LRP1B: variants seen among roughly 807,000 people sequenced by gnomAD.
LRP1B encodes the protein LDL receptor related protein 1B.
A neutral mutation model predicts 556.6 loss-of-function variants in LRP1B; 217 were observed. The observed-to-expected ratio is 0.39, with a 90% CI of 0.35 to 0.44. LRP1B has a LOEUF of 0.44. LRP1B is among the 20% of genes least tolerant of loss of function. The pLI, the probability that LRP1B is intolerant of heterozygous loss-of-function variation, is 1.00. For synonymous variants in LRP1B, 2,047 were observed against 1,865.8 expected (o/e 1.10, Z -2.50); for missense variants, 5,053 against 5,620.8 (o/e 0.90, Z 3.23).
chr2:141,659,466 A>C (rs1690131321), intron 2 of LRP1B, among the ~76,000 whole-genome samples: 1 of 152,164 alleles, frequency 6.6e-6, no homozygotes, highest in African/African-American at 2.4e-5. Flanking sequence ...AACATTTTGC[A>C]GTTAGACTCA....
rs62173714 is a variant in LRP1B at position 141,113,152 on chromosome 2, A to G, written c.1014-50879T>C. On this transcript the variant is annotated intron_variant, in intron 7 of 90. Coordinates refer to ENST00000389484, the MANE Select transcript of LRP1B (RefSeq NM_018557.3). Reference sequence around the variant, plus strand: ...ACTAACTTTTAATTTTCTCCATTTCACATTTAAGTGAAGGCAGAACACTGG... The same window carrying G: ...ACTAACTTTTAATTTTCTCCATTTCGCATTTAAGTGAAGGCAGAACACTGG... Among the ~76,000 whole-genome samples the G allele has an allele frequency of 5.0e-3, 762 of 152,290 alleles. 6 individuals are homozygous for G. The highest frequency in any genetic ancestry group is 0.011 in the South Asian group (54 of 4,830).
At chr2:141,863,703 G>C (rs1698321585) in intron 1 of LRP1B, among the ~76,000 whole-genome samples, 1 of 152,124 alleles carries the variant, frequency 6.6e-6, no homozygotes, top group African/African-American at 2.4e-5. Context: ...CCAAGTCTTA[G>C]AAAAGTATCC....
chr2:140,729,968 C>T (rs556417128), intron 35 of LRP1B, among the ~76,000 whole-genome samples: 1 of 152,294 alleles, frequency 6.6e-6, no homozygotes, highest in African/African-American at 2.4e-5. Context: ...CTTGTGCTTG[C>T]TCTCAACTGA....
chr2:141,399,580 T>A (rs1292794786), intron 3 of LRP1B, among the ~76,000 whole-genome samples: 2 of 152,150 alleles, frequency 1.3e-5, no homozygotes, highest in East Asian at 3.9e-4. Flanking sequence ...AGAACTAATA[T>A]AACTATAACC....
intron 3 of LRP1B, among the ~76,000 whole-genome samples, chr2:141,391,444 C>T (rs896013066): frequency 6.6e-6 from 1 of 152,042 alleles, no homozygotes; most frequent in Non-Finnish European, 1.5e-5. Context: ...ACACACAGTG[C>T]AGGCTTACAG....
chr2:141,658,059 A>G (rs1463119964), intron 2 of LRP1B, among the ~76,000 whole-genome samples: 1 of 152,136 alleles, frequency 6.6e-6, no homozygotes, highest in African/African-American at 2.4e-5. Flanking sequence ...GTGTGATTCT[A>G]TTTTTACATC....
intron 79 of LRP1B, among the ~76,000 whole-genome samples, chr2:140,333,292 T>A (rs895962851): frequency 6.6e-6 from 1 of 152,094 alleles, no homozygotes; most frequent in African/African-American, 2.4e-5. Flanking sequence ...GCCCATCTCT[T>A]ACTTTGCTTT....
chr2:140,584,642 ATTC>A (rs1327182209), intron 43 of LRP1B, among the ~76,000 whole-genome samples: 1 of 152,156 alleles, frequency 6.6e-6, no homozygotes, highest in Non-Finnish European at 1.5e-5. Context: ...ACTGACCATT[ATTC>A]TTCTGTAAGA....
rs200954675 is a variant in LRP1B at position 141,055,203 on chromosome 2, T to C, written c.1465A>G (p.Ile489Val). The change falls in exon 10 of 91, where the codon ATC becomes GTC. Residue 489 changes from isoleucine (I) to valine (V), a missense_variant. Physicochemically the swap from Ile to Val is conservative, Grantham distance 29. Coordinates refer to ENST00000389484, the MANE Select transcript of LRP1B (RefSeq NM_018557.3). The part of the protein sequence containing the change: ...PYGMPGGCSH[I>V]CLLSSSYKTR... ...TTGTAACTGCTGCTGAGTAGACAGA[T>C]GTGTGAACAGCCCCCTGGCATTCCA... is the stretch of plus-strand genomic sequence containing the variant. 10 of 1,612,318 alleles carry C rather than the reference T, an allele frequency of 6.2e-6. No homozygotes were observed. Among genetic ancestry groups the C allele is most frequent in the Middle Eastern group, 1.7e-4 (1 of 6,048 alleles).
intron 2 of LRP1B, among the ~76,000 whole-genome samples, chr2:141,746,013 T>A (rs1371351621): frequency 6.6e-6 from 1 of 152,008 alleles, no homozygotes; most frequent in Non-Finnish European, 1.5e-5. Context: ...CAAAGAGGAC[T>A]TCAATGCAAG....
intron 35 of LRP1B, among the ~76,000 whole-genome samples, chr2:140,732,425 A>G (rs1177849267): frequency 6.6e-6 from 1 of 152,090 alleles, no homozygotes; most frequent in Admixed American, 6.6e-5. Context: ...GAACTGCATG[A>G]TGTTTCACTT....
At chr2:141,673,818 C>T (rs1462991147) in intron 2 of LRP1B, among the ~76,000 whole-genome samples, 1 of 151,770 alleles carries the variant, frequency 6.6e-6, no homozygotes, top group Non-Finnish European at 1.5e-5. Context: ...CTAAATTGTC[C>T]ACTGCAATGA....
intron 3 of LRP1B, among the ~76,000 whole-genome samples, chr2:141,276,438 C>A (rs148007629): frequency 4.4e-4 from 67 of 151,916 alleles, no homozygotes; most frequent in Non-Finnish European, 6.9e-4. Flanking sequence ...TCCATCTTGA[C>A]TCTCCTCCCA....
chr2:141,877,885 A>T (rs1698822285), intron 1 of LRP1B, among the ~76,000 whole-genome samples: 1 of 152,034 alleles, frequency 6.6e-6, no homozygotes, highest in African/African-American at 2.4e-5. Flanking sequence ...CCACTAAAAT[A>T]GATGTTTAAA....
rs2105373671 is a variant in LRP1B, at chr2:141,005,365, G to A, written c.2473C>T (p.Leu825Phe). 6.2e-7 allele frequency: 1 copy of A among 1,610,058 alleles called. No homozygotes were observed. The highest frequency in any genetic ancestry group is 8.5e-7 in the Non-Finnish European group (1 of 1,177,446). The change falls in exon 15 of 91, where the codon CTT (leucine) becomes TTT (phenylalanine). Residue 825 changes from leucine (L) to phenylalanine (F), a missense_variant. Leu to Phe is a conservative substitution (Grantham distance 22). Transcript: ENST00000389484. ...GRVCACADNQ[L>F]LDENGTTCTF... ...CAAGTTGTCCCATTTTCATCCAAAA[G>A]TTGATTATCGGCACAAGCACACACC...
chr2:140,956,180 C>T (rs1421827464), intron 18 of LRP1B, among the ~76,000 whole-genome samples: 1 of 151,716 alleles, frequency 6.6e-6, no homozygotes, highest in African/African-American at 2.4e-5. Context: ...TACACTGATA[C>T]TCTTGACAAT....
intron 1 of LRP1B, among the ~76,000 whole-genome samples, chr2:141,939,480 T>G (rs969219629): frequency 4.6e-5 from 7 of 152,114 alleles, no homozygotes; most frequent in Non-Finnish European, 1.0e-4. Flanking sequence ...AGAGCTGGCC[T>G]GCTCTGGCTT....
chr2:140,829,288 C>G (rs1413474578), intron 31 of LRP1B, among the ~76,000 whole-genome samples: 1 of 152,168 alleles, frequency 6.6e-6, no homozygotes, highest in Non-Finnish European at 1.5e-5. Flanking sequence ...ATGAATCAAA[C>G]TGACATTTAC....
At chr2:141,219,040 C>A (rs567490155) in intron 6 of LRP1B, among the ~76,000 whole-genome samples, 2 of 152,304 alleles carry the variant, frequency 1.3e-5, no homozygotes, top group African/African-American at 4.8e-5. Context: ...TGCTGCCCTG[C>A]CTGGGAAACC....
Sources: gnomAD v4.1 joint callset for allele counts (sites outside exome capture counted in the v4.1 genomes callset) on GRCh38, gnomAD v4.1.1 for gene constraint, MANE v1.5 for transcripts, NCBI Gene and HGNC (gene_info 2026-07-23, HGNC 2026-07-21) for gene names.